The following SYNE1 variants were observed in gnomAD, a reference collection of about 807,000 sequenced individuals.
SYNE1 encodes spectrin repeat containing nuclear envelope protein 1.
A neutral mutation model predicts 1,111.0 loss-of-function variants in SYNE1; 616 were observed. The ratio of observed to expected loss-of-function variants is 0.55; its 90% CI spans 0.52 to 0.59. The LOEUF (loss-of-function observed/expected upper bound fraction) is 0.59, where lower values mean the gene tolerates loss of function less well. Ranked by LOEUF, SYNE1 falls within the 20% of genes least tolerant of loss-of-function variation. The pLI is 0.00. For synonymous variants in SYNE1, 3,855 were observed against 3,825.8 expected, an observed-to-expected ratio of 1.01 and a Z score of -0.28; for missense variants, 10,006 against 10,417.0, an observed-to-expected ratio of 0.96 and a Z score of 1.72.
chr6:152,148,219 C>A lies in SYNE1; in HGVS notation c.24802G>T (p.Glu8268Ter). 1 of 1,614,108 alleles carries A rather than the reference C, an allele frequency of 6.2e-7. No individual in the cohort carries two copies. Among genetic ancestry groups the A allele is most frequent in the Non-Finnish European group, 8.5e-7 (1 of 1,180,000 alleles). Reference protein sequence around the residue: ...SLSLAQPLRSERSGRDTPASV... With the variant: ...SLSLAQPLRS Reference sequence around the variant, plus strand: ...GCCGGGGTGTCTCGTCCTGACCGCTCGCTCCGGAGGGGCTGAGCGAGCGAG... The same window carrying A: ...GCCGGGGTGTCTCGTCCTGACCGCTAGCTCCGGAGGGGCTGAGCGAGCGAG... Residue 8268 changes from glutamate to a stop codon, truncating the protein, a stop_gained, in exon 137 of 146, where the codon GAG (glutamate) becomes TAG (stop). Coordinates refer to ENST00000367255, the MANE Select transcript of SYNE1 (RefSeq NM_182961.4). LOFTEE classifies it high-confidence loss of function. This position sits in a 1 kb window ranked among gnomAD's most constrained non-coding sequence, Gnocchi z 4.1.
intron 11 of SYNE1, among the ~76,000 whole-genome samples, chr6:152,490,422 C>T (rs1324013275): frequency 6.6e-6 from 1 of 152,108 alleles, no homozygotes; most frequent in African/African-American, 2.4e-5. Flanking sequence ...GTGAAAATGG[C>T]TGGTTCCTGC....
intron 101 of SYNE1, among the ~76,000 whole-genome samples, chr6:152,260,672 C>T (rs997603829): frequency 1.3e-5 from 2 of 150,840 alleles, no homozygotes; most frequent in African/African-American, 4.9e-5. Context: ...CCAGCGATCC[C>T]CAACCTTTTT....
chr6:152,279,147 CT>C (rs59520598), intron 97 of SYNE1, among the ~76,000 whole-genome samples: 4,917 of 112,628 alleles, frequency 0.044, 191 homozygotes, highest in African/African-American at 0.13. Context: ...CTTTTCTTTT[CT>C]TTTTTTTTTT....
intron 125 of SYNE1, 108 bp from the exon 126 acceptor site, chr6:152,206,470 T>C: frequency 8.3e-7 from 1 of 1,200,214 alleles, no homozygotes; most frequent in Non-Finnish European, 1.2e-6. Context: ...CCAGCAAGCA[T>C]TTACCGTAGT....
rs1383141765 is a variant in SYNE1, at chr6:152,208,194, G to C, written c.22602C>G (p.Asn7534Lys). ...QGQVDDRDEF[N>K]LKLTLLSNQW... ...GATTACTGAGGAGTGTCAATTTCAG[G>C]TTGAATTCATCCCTAGTGAAGAAAT... The change falls in exon 125 of 146, where the codon AAC (asparagine) becomes AAG (lysine). Residue 7534 changes from asparagine to lysine, a missense_variant. Asn to Lys is a moderately conservative substitution (Grantham distance 94). Transcript: ENST00000367255. 4 of 1,613,844 alleles carry C rather than the reference G, an allele frequency of 2.5e-6. No homozygotes were observed. The South Asian group carries it at 3.3e-5, about 13-fold the overall frequency.
At chr6:152,192,121 T>G (rs1196530939) in intron 127 of SYNE1, among the ~76,000 whole-genome samples, 1 of 152,214 alleles carries the variant, frequency 6.6e-6, no homozygotes, top group Non-Finnish European at 1.5e-5. Flanking sequence ...CTTGATAAAA[T>G]TTCACTTTTG....
intron 91 of SYNE1, among the ~76,000 whole-genome samples, chr6:152,306,098 T>C (rs530172763): frequency 1.1e-4 from 16 of 152,264 alleles, no homozygotes; most frequent in Admixed American, 1.0e-3. Flanking sequence ...TGAGACTGAG[T>C]CCAATTTCAA....
chr6:152,522,480 G>A (rs1034986920), intron 5 of SYNE1, among the ~76,000 whole-genome samples: 1 of 151,984 alleles, frequency 6.6e-6, no homozygotes, highest in Admixed American at 6.6e-5. Flanking sequence ...CTTAGGTTGG[G>A]TCCATATCTT....
intron 62 of SYNE1, among the ~76,000 whole-genome samples, chr6:152,365,848 A>C (rs941205835): frequency 1.3e-5 from 2 of 152,154 alleles, no homozygotes; most frequent in African/African-American, 4.8e-5. Flanking sequence ...GTTCTTGCCA[A>C]CTTCCAAAGC....
chr6:152,316,379 G>A (rs41292870), intron 87 of SYNE1: 3,010 of 191,200 alleles, frequency 0.016, 24 homozygotes, highest in Non-Finnish European at 0.022. Context: ...TATTATTTAC[G>A]TCTTCATACA....
chr6:152,242,368 T>C lies in SYNE1; in HGVS notation c.19765A>G (p.Ser6589Gly). Reference protein sequence around the residue: ...SGLNQNLTLKSQYERALQDLA... With the variant: ...SGLNQNLTLKGQYERALQDLA... ...TCTTGTAGGGCCCTCTCATACTGACTCTTGAGTGTAAGGTTCTGATTCAGA... is the reference window on the plus strand; with the variant it reads ...TCTTGTAGGGCCCTCTCATACTGACCCTTGAGTGTAAGGTTCTGATTCAGA... The change falls in exon 107 of 146, where the codon AGT becomes GGT. Residue 6589 changes from serine to glycine, a missense_variant. This residue lies in a region of SYNE1 where 2,182 missense variants were observed against 2,287.8 expected (regional missense o/e 0.95). Transcript: ENST00000367255. The C allele has an allele frequency of 1.9e-6, 3 of 1,614,092 alleles. No individual in the cohort carries two copies. The highest frequency in any genetic ancestry group is 2.5e-6 in the Non-Finnish European group (3 of 1,180,024).
intron 93 of SYNE1, among the ~76,000 whole-genome samples, chr6:152,298,690 A>G (rs1204951827): frequency 6.6e-6 from 1 of 152,180 alleles, no homozygotes; most frequent in Non-Finnish European, 1.5e-5. Flanking sequence ...AGGGGATCCT[A>G]CATGTCCTCC....
At chr6:152,444,326 C>G in intron 30 of SYNE1, 85 bp downstream of exon 30, 1 of 1,463,060 alleles carries the variant, frequency 6.8e-7, no homozygotes, top group Admixed American at 1.7e-5. Flanking sequence ...TCTCTCAAGC[C>G]AGTGGTTGTA....
Position 152,231,784 on chromosome 6 carries a change from A to ATGTG in SYNE1, c.20863-221_20863-218dup, listed in dbSNP as rs369191135. 0.09 allele frequency among the ~76,000 whole-genome samples: 13,402 copies of ATGTG among 148,842 alleles called. 674 individuals are homozygous for ATGTG. Among genetic ancestry groups the ATGTG allele is most frequent in the Admixed American group, 0.16 (2,358 of 14,950 alleles). On this transcript the variant is annotated intron_variant, in intron 113 of 145. Transcript: ENST00000367255. ...AACATAAACACAGATATACGTGTGT[A>ATGTG]TGTGTGTGTGTGTGTGTGTATATAT... is the stretch of plus-strand genomic sequence containing the variant.
chr6:152,316,780 G>A, intron 87 of SYNE1, 69 bp downstream of exon 87: 3 of 1,581,148 alleles, frequency 1.9e-6, no homozygotes, highest in Non-Finnish European at 2.6e-6. Context: ...TCTAAGTGTT[G>A]TGTCAGTCTA....
At chr6:152,328,823 A>G (rs959129349) in intron 78 of SYNE1, among the ~76,000 whole-genome samples, 1 of 152,158 alleles carries the variant, frequency 6.6e-6, no homozygotes, top group Non-Finnish European at 1.5e-5. Context: ...CCCCAAGTCA[A>G]GTAATTACGA....
chr6:152,181,082 C>CAA lies in SYNE1; in HGVS notation c.23302-790_23302-789dup, dbSNP rs11439578. Among the ~76,000 whole-genome samples, 635 of 124,556 alleles carry CAA rather than the reference C, an allele frequency of 5.1e-3. 13 individuals carry two copies. The highest frequency in any genetic ancestry group is 0.011 in the African/African-American group (360 of 33,734). The allele number at this position is 124,556 out of a possible 152,430, so 81.7% of individuals were successfully genotyped here. A position where few individuals can be genotyped will look rare whatever the true frequency, so the allele number is the denominator to read the frequency against. On this transcript the variant is annotated intron_variant, in intron 128 of 145. Transcript: ENST00000367255. ...CAATTTTAGGATATTTTTATCATTC[C>CAA]AAAAAAAAAAAAAAAGCCAGGTGCA... is the stretch of plus-strand genomic sequence containing the variant.
intron 37 of SYNE1, 134 bp from the exon 38 acceptor site, chr6:152,427,950 G>A (rs2098385546): frequency 3.0e-6 from 4 of 1,319,290 alleles, no homozygotes; most frequent in Non-Finnish European, 4.2e-6. Flanking sequence ...AGATATGCCA[G>A]CACAAAAATC....
intron 61 of SYNE1, chr6:152,368,671 C>A: frequency 3.1e-6 from 1 of 326,244 alleles, no homozygotes; most frequent in Non-Finnish European, 5.8e-6. Flanking sequence ...CAAATCAAAG[C>A]CCTGGGAAAC....
Sources: gnomAD v4.1 joint callset for allele counts (sites outside exome capture counted in the v4.1 genomes callset) on GRCh38, gnomAD v4.1.1 for gene constraint, gnomAD v4.1.1 regional missense constraint, Gnocchi (gnomAD v3.1) non-coding constraint, MANE v1.5 for transcripts, NCBI Gene and HGNC (gene_info 2026-07-23, HGNC 2026-07-21) for gene names.